Variants in VPS13B observed in about 807,000 individuals in gnomAD.
VPS13B encodes intermembrane lipid transfer protein VPS13B.
A neutral mutation model predicts 426.4 loss-of-function variants in VPS13B; 285 were observed. The ratio of observed to expected loss-of-function variants is 0.67; its 90% CI spans 0.61 to 0.74. The LOEUF is 0.74. Among genes scored for constraint, VPS13B ranks in the 30% least tolerant of loss-of-function variants. The probability of loss-of-function intolerance (pLI) is 0.00; values close to 1 mark genes in which losing one functional copy is unlikely to be tolerated. For missense variants in VPS13B, 4,537 were observed against 4,782.6 expected, an observed-to-expected ratio of 0.95 and a Z score of 1.51; for synonymous variants, 1,676 against 1,676.4, an observed-to-expected ratio of 1.00 and a Z score of 0.01.
intron 30 of VPS13B, among the ~76,000 whole-genome samples, chr8:99,523,708 A>G (rs1822498768): frequency 6.6e-6 from 1 of 152,206 alleles, no homozygotes; most frequent in African/African-American, 2.4e-5. Context: ...GCAATGACCA[A>G]AAACTTAGAT....
At chr8:99,224,121 A>C (rs1252774879) in intron 17 of VPS13B, among the ~76,000 whole-genome samples, 1 of 152,164 alleles carries the variant, frequency 6.6e-6, no homozygotes, top group Non-Finnish European at 1.5e-5. Context: ...TGCGGGCTTG[A>C]ATGTGATTTT....
chr8:99,319,708 C>T (rs1354990852), intron 19 of VPS13B, among the ~76,000 whole-genome samples: 5 of 152,168 alleles, frequency 3.3e-5, no homozygotes, highest in Admixed American at 3.3e-4. Flanking sequence ...AGAAAGTCTA[C>T]AGGCAAGAGT....
chr8:99,047,903 G>T (rs535438980), intron 3 of VPS13B, among the ~76,000 whole-genome samples: 6 of 152,118 alleles, frequency 3.9e-5, no homozygotes, highest in East Asian at 3.9e-4. Flanking sequence ...TGCCAGGCTG[G>T]TCTTGAACTC....
chr8:99,297,621 G>C (rs976678068), intron 19 of VPS13B, among the ~76,000 whole-genome samples: 4 of 152,078 alleles, frequency 2.6e-5, no homozygotes, highest in Admixed American at 2.0e-4. Context: ...AAATTCCCAT[G>C]GAAAGAAAAA....
intron 33 of VPS13B, among the ~76,000 whole-genome samples, chr8:99,586,978 TC>T (rs1826336176): frequency 6.6e-6 from 1 of 151,814 alleles, no homozygotes; most frequent in African/African-American, 2.4e-5. Context: ...CCCTCCCCCA[TC>T]CCCCCATGAC....
At chr8:99,814,832 A>G (rs1285533468) in intron 44 of VPS13B, among the ~76,000 whole-genome samples, 3 of 152,158 alleles carry the variant, frequency 2.0e-5, no homozygotes, top group Non-Finnish European at 4.4e-5. Context: ...TGACACATTT[A>G]TGTTATAAAG....
chr8:99,612,725 A>G (rs1372511113), intron 33 of VPS13B, among the ~76,000 whole-genome samples: 1 of 152,180 alleles, frequency 6.6e-6, no homozygotes, highest in Non-Finnish European at 1.5e-5. Context: ...GAACGTCAGC[A>G]TTACTAAAGG....
chr8:99,821,577 C>A, intron 50 of VPS13B, 95 bp downstream of exon 50: 2 of 1,392,928 alleles, frequency 1.4e-6, no homozygotes, highest in South Asian at 1.2e-5. Flanking sequence ...ATACCTTTTT[C>A]ATATTACTTC....
At chr8:99,649,265 T>C (rs1485106872) in intron 34 of VPS13B, among the ~76,000 whole-genome samples, 2 of 152,152 alleles carry the variant, frequency 1.3e-5, no homozygotes, top group Non-Finnish European at 2.9e-5. Context: ...TATATTGTTT[T>C]GGTTTTGTTT....
intron 33 of VPS13B, among the ~76,000 whole-genome samples, chr8:99,637,500 CAGT>C (rs889408704): frequency 6.6e-6 from 1 of 151,990 alleles, no homozygotes; most frequent in African/African-American, 2.4e-5. Flanking sequence ...CCATTCTGCT[CAGT>C]AGTGATTAGA....
At chr8:99,101,003 C>T (rs910099852) in intron 4 of VPS13B, among the ~76,000 whole-genome samples, 1 of 151,370 alleles carries the variant, frequency 6.6e-6, no homozygotes, top group Non-Finnish European at 1.5e-5. Flanking sequence ...GAGATCATGC[C>T]ATTGCACTCT....
intron 5 of VPS13B, among the ~76,000 whole-genome samples, chr8:99,106,455 C>A (rs1395711821): frequency 1.4e-4 from 16 of 117,192 alleles, no homozygotes; most frequent in South Asian, 2.8e-4. Flanking sequence ...AAAAAAAAAA[C>A]CCAAAACAAA....
intron 21 of VPS13B, among the ~76,000 whole-genome samples, chr8:99,421,320 G>C (rs1816358619): frequency 6.6e-6 from 1 of 152,194 alleles, no homozygotes; most frequent in South Asian, 2.1e-4. Flanking sequence ...TTTGAAATGA[G>C]ATTGCGATGT....
Position 99,641,926 on chromosome 8 carries a change from G to A in VPS13B, c.5336G>A (p.Arg1779Lys). ...SGIGSDSVKIRIVQIEQHSGA... is the reference protein window; with the variant it reads ...SGIGSDSVKIKIVQIEQHSGA... ...ATTGGCAGTGACAGTGTTAAAATCAGAATAGTGCAAATAGAGCAGCACAGT... is the reference window on the plus strand; with the variant it reads ...ATTGGCAGTGACAGTGTTAAAATCAAAATAGTGCAAATAGAGCAGCACAGT... The change falls in exon 34 of 62, where the codon AGA becomes AAA. Residue 1779 changes from arginine (R) to lysine (K), a missense_variant. Coordinates refer to ENST00000357162, the MANE Select transcript of VPS13B (RefSeq NM_152564.5). The A allele has an allele frequency of 6.2e-7, 1 of 1,614,088 alleles. No individual in the cohort carries two copies. Among genetic ancestry groups the A allele is most frequent in the Non-Finnish European group, 8.5e-7 (1 of 1,179,992 alleles).
chr8:99,376,427 T>C (rs972259839), intron 19 of VPS13B, among the ~76,000 whole-genome samples: 4 of 152,146 alleles, frequency 2.6e-5, no homozygotes, highest in Admixed American at 2.6e-4. Flanking sequence ...TCTATAACAT[T>C]CGTAAATTTT....
intron 44 of VPS13B, among the ~76,000 whole-genome samples, chr8:99,812,688 C>T (rs2130795956): frequency 6.6e-6 from 1 of 152,280 alleles, no homozygotes; most frequent in Admixed American, 6.5e-5. Context: ...TGTTTCCCAT[C>T]TTTTTGTTGA....
chr8:99,590,376 A>G (rs1459808892), intron 33 of VPS13B, among the ~76,000 whole-genome samples: 1 of 152,014 alleles, frequency 6.6e-6, no homozygotes, highest in Non-Finnish European at 1.5e-5. Context: ...GCCTTCTGGT[A>G]GCTTTTGAAT....
intron 19 of VPS13B, among the ~76,000 whole-genome samples, chr8:99,280,901 C>T (rs1819138422): frequency 6.6e-6 from 1 of 152,110 alleles, no homozygotes; most frequent in African/African-American, 2.4e-5. Context: ...TCTTTAGTCT[C>T]CAGCATTTAC....
At chr8:99,685,104 T>TA (rs1177664150) in intron 35 of VPS13B, among the ~76,000 whole-genome samples, 2 of 152,184 alleles carry the variant, frequency 1.3e-5, no homozygotes, top group African/African-American at 4.8e-5. Context: ...CCTGGCCCCA[T>TA]TAGATGTTTT....
Sources: gnomAD v4.1 joint callset for allele counts (sites outside exome capture counted in the v4.1 genomes callset) on GRCh38, gnomAD v4.1.1 for gene constraint, MANE v1.5 for transcripts, NCBI Gene and HGNC (gene_info 2026-07-23, HGNC 2026-07-21) for gene names.